Variants in ARHGAP10 observed in about 807,000 individuals in gnomAD.
The protein encoded by ARHGAP10 is rho GTPase-activating protein 10.
In ARHGAP10, 87 loss-of-function variants were observed where a neutral mutation model predicts 108.6. That is an observed-to-expected ratio of 0.80 (90% CI 0.67 to 0.96). ARHGAP10 has a LOEUF of 0.96. ARHGAP10 is among the 40% of genes least tolerant of loss of function. The probability of loss-of-function intolerance (pLI) is 0.00; values close to 1 mark genes in which losing one functional copy is unlikely to be tolerated. For missense variants in ARHGAP10, 939 were observed against 954.5 expected, an observed-to-expected ratio of 0.98 and a Z score of 0.21; for synonymous variants, 347 against 341.1, an observed-to-expected ratio of 1.02 and a Z score of -0.19.
rs145365359 is a variant in ARHGAP10 at position 148,054,005 on chromosome 4, T to C, written c.2027+6954T>C. Among the ~76,000 whole-genome samples, 438 of 152,344 alleles carry C rather than the reference T, an allele frequency of 2.9e-3. 7 individuals carry two copies. The highest frequency in any genetic ancestry group is 4.8e-3 in the Admixed American group (73 of 15,304). ...AGACATGTCTGAATTTTGTAGTAGC[T>C]TTTCCACTGCTTAAGACTTAAAAAC... On this transcript the variant is annotated intron_variant, in intron 20 of 22. Coordinates refer to ENST00000336498, the MANE Select transcript of ARHGAP10 (RefSeq NM_024605.4).
At chr4:148,061,943 A>T (rs1407315143) in intron 20 of ARHGAP10, among the ~76,000 whole-genome samples, 2 of 152,104 alleles carry the variant, frequency 1.3e-5, no homozygotes, top group Non-Finnish European at 2.9e-5. Context: ...TAGAGAGGCC[A>T]CAGGGGGAGT....
In ARHGAP10 at chr4:148,006,448, C is replaced by A. The variant is rs74597103; in HGVS notation, c.1717-16815C>A. Among the ~76,000 whole-genome samples the A allele has an allele frequency of 9.7e-3, 1,482 of 152,236 alleles. 20 individuals carry two copies. The highest frequency in any genetic ancestry group is 0.033 in the African/African-American group (1,385 of 41,552). On this transcript the variant is annotated intron_variant, in intron 18 of 22. Transcript: ENST00000336498. ...CCCGTCTTTTGCCTGACCCCAGCAGCGTCTGATCATTGTTGCTGTGCCATG... is the reference window on the plus strand; with the variant it reads ...CCCGTCTTTTGCCTGACCCCAGCAGAGTCTGATCATTGTTGCTGTGCCATG...
chr4:147,758,092 G>A (rs981843575), intron 1 of ARHGAP10, among the ~76,000 whole-genome samples: 2 of 152,046 alleles, frequency 1.3e-5, no homozygotes, highest in Non-Finnish European at 2.9e-5. Context: ...GAGAAACCCC[G>A]TCCATACTGA....
intron 19 of ARHGAP10, 139 bp downstream of exon 19, chr4:148,023,552 G>A (rs1202605170): frequency 2.0e-5 from 21 of 1,052,122 alleles, no homozygotes; most frequent in Middle Eastern, 3.4e-4. Flanking sequence ...GAGATTTACA[G>A]GGAGGGTGAA....
chr4:147,735,880 T>C (rs907077542), intron 1 of ARHGAP10, among the ~76,000 whole-genome samples: 13 of 152,230 alleles, frequency 8.5e-5, no homozygotes, highest in African/African-American at 2.4e-4. Context: ...AGTTTAAACT[T>C]TTGTAAGCCT....
At position 147,732,254 on chromosome 4, in the gene ARHGAP10, C is replaced by G. The variant is rs745790210; in HGVS notation, c.-48C>G. The G allele has an allele frequency of 1.0e-4, 155 of 1,516,572 alleles. No homozygotes were observed. Among genetic ancestry groups the G allele is most frequent in the Non-Finnish European group, 1.3e-4 (143 of 1,140,890 alleles). The allele number at this position is 1,516,572 out of a possible 1,614,324, so 93.9% of individuals were successfully genotyped here. Reference sequence around the variant, plus strand: ...CTGGCAGCGGCCTCGGAGCTCGGCTCGGGCAGGAGCGCGCGGCCGTGCGCA... The same window carrying G: ...CTGGCAGCGGCCTCGGAGCTCGGCTGGGGCAGGAGCGCGCGGCCGTGCGCA... On this transcript the variant is annotated 5_prime_UTR_variant, in exon 1 of 23. Coordinates refer to ENST00000336498, the MANE Select transcript of ARHGAP10 (RefSeq NM_024605.4).
At chr4:147,902,212 C>G (rs1225970176) in intron 10 of ARHGAP10, among the ~76,000 whole-genome samples, 1 of 152,120 alleles carries the variant, frequency 6.6e-6, no homozygotes, top group Non-Finnish European at 1.5e-5. Flanking sequence ...TTTGTATCAT[C>G]CTTTTAGTCT....
chr4:147,941,449 T>G (rs1259188036), intron 14 of ARHGAP10, among the ~76,000 whole-genome samples: 1 of 152,214 alleles, frequency 6.6e-6, no homozygotes, highest in Non-Finnish European at 1.5e-5. Context: ...TTTAAATATC[T>G]AAACCCTCAA....
intron 1 of ARHGAP10, among the ~76,000 whole-genome samples, chr4:147,802,304 G>A (rs545261203): frequency 6.6e-6 from 1 of 152,294 alleles, no homozygotes; most frequent in Non-Finnish European, 1.5e-5. Flanking sequence ...GTGATCCATA[G>A]GCTAAAATGA....
rs746320175 is a variant in ARHGAP10, at chr4:147,875,004, T to G, written c.703-17T>G. On this transcript the variant is annotated splice_polypyrimidine_tract_variant and intron_variant, in intron 7 of 22. Coordinates refer to ENST00000336498, the MANE Select transcript of ARHGAP10 (RefSeq NM_024605.4). ...ATGAGAACTTAACATTTATGTGTGT[T>G]TTTTAATCCATTTCAGACACGGAAT... is the stretch of plus-strand genomic sequence containing the variant. 1.3e-5 allele frequency: 20 copies of G among 1,563,002 alleles called. No homozygotes were observed. Among genetic ancestry groups the G allele is most frequent in the Non-Finnish European group, 1.6e-5 (19 of 1,162,068 alleles).
intron 1 of ARHGAP10, chr4:147,808,857 CCTT>C (rs1487405402): frequency 6.6e-6 from 1 of 152,278 alleles, no homozygotes; most frequent in East Asian, 1.9e-4. Context: ...ATTTGTGTCT[CCTT>C]CTTAGTTTAA....
chr4:147,775,625 G>A (rs1339496463), intron 1 of ARHGAP10, among the ~76,000 whole-genome samples: 1 of 152,170 alleles, frequency 6.6e-6, no homozygotes, highest in Non-Finnish European at 1.5e-5. Context: ...TATATGGAAA[G>A]ATCACAGGCT....
intron 1 of ARHGAP10, among the ~76,000 whole-genome samples, chr4:147,794,960 T>G (rs977114344): frequency 6.8e-4 from 103 of 152,352 alleles, no homozygotes; most frequent in African/African-American, 2.4e-3. Context: ...AAGTACGTTT[T>G]GAGGTTTCCA....
intron 4 of ARHGAP10, among the ~76,000 whole-genome samples, chr4:147,850,286 TAA>T (rs1434117296): frequency 6.6e-6 from 1 of 152,194 alleles, no homozygotes; most frequent in African/African-American, 2.4e-5. Flanking sequence ...CGGGGCCAAG[TAA>T]GGGAATAAAA....
chr4:148,058,273 G>T (rs1357795713), intron 20 of ARHGAP10, among the ~76,000 whole-genome samples: 1 of 152,142 alleles, frequency 6.6e-6, no homozygotes, highest in Non-Finnish European at 1.5e-5. Context: ...GCAAATGAGA[G>T]TTTAGAATCT....
intron 18 of ARHGAP10, among the ~76,000 whole-genome samples, chr4:147,974,832 A>G (rs936344988): frequency 6.6e-6 from 1 of 152,220 alleles, no homozygotes; most frequent in Non-Finnish European, 1.5e-5. Context: ...GGAAGGGGAA[A>G]GGCATATCTT....
At chr4:147,990,852 A>G (rs980979878) in intron 18 of ARHGAP10, among the ~76,000 whole-genome samples, 1 of 152,074 alleles carries the variant, frequency 6.6e-6, no homozygotes, top group African/African-American at 2.4e-5. Context: ...CTGTCTCTAC[A>G]AAAATACAGA....
intron 10 of ARHGAP10, among the ~76,000 whole-genome samples, chr4:147,895,347 T>A (rs1165122943): frequency 6.6e-6 from 1 of 152,006 alleles, no homozygotes; most frequent in Non-Finnish European, 1.5e-5. Context: ...TTAGGATTTT[T>A]AAATGTACAC....
intron 7 of ARHGAP10, among the ~76,000 whole-genome samples, chr4:147,868,958 T>G (rs1734686180): frequency 6.6e-6 from 1 of 152,088 alleles, no homozygotes; most frequent in African/African-American, 2.4e-5. Context: ...AGATTATAAC[T>G]TATGTTTTCC....
Sources: allele counts gnomAD v4.1 joint callset (sites outside exome capture counted in the v4.1 genomes callset), GRCh38; gene constraint gnomAD v4.1.1; transcripts MANE v1.5; gene names NCBI Gene and HGNC (gene_info 2026-07-23, HGNC 2026-07-21).